COL23A1: variants seen among roughly 807,000 people sequenced by gnomAD.
The protein encoded by COL23A1 is collagen alpha-1(XXIII) chain.
In COL23A1, 97 loss-of-function variants were observed where a neutral mutation model predicts 99.3. The observed-to-expected ratio is 0.98, with a 90% CI of 0.83 to 1.16. The LOEUF is 1.16. COL23A1 is among the 50% of genes most tolerant of loss of function. The pLI is 0.00. For missense variants in COL23A1, 762 were observed against 757.4 expected (o/e 1.01, Z -0.07); for synonymous variants, 320 against 308.2 (o/e 1.04, Z -0.40).
At chr5:178,333,355 C>T (rs1211535996) in intron 2 of COL23A1, among the ~76,000 whole-genome samples, 3 of 152,180 alleles carry the variant, frequency 2.0e-5, no homozygotes, top group African/African-American at 7.2e-5. Context: ...GTGGCCATGG[C>T]CTGCAGGGTT....
chr5:178,565,390 A>C (rs1762792345), intron 1 of COL23A1, among the ~76,000 whole-genome samples: 2 of 152,196 alleles, frequency 1.3e-5, no homozygotes, highest in African/African-American at 4.8e-5. Context: ...CACCAGAGGA[A>C]GGGCTTGTCG....
intron 2 of COL23A1, among the ~76,000 whole-genome samples, chr5:178,508,454 A>G (rs887681013): frequency 1.3e-5 from 2 of 152,194 alleles, no homozygotes; most frequent in Non-Finnish European, 2.9e-5. Context: ...GTATTATAAA[A>G]TATTCAGAGT....
intron 7 of COL23A1, among the ~76,000 whole-genome samples, chr5:178,267,617 G>A (rs1755980281): frequency 6.6e-6 from 1 of 152,176 alleles, no homozygotes; most frequent in Admixed American, 6.5e-5. Flanking sequence ...CAGACATTGT[G>A]GAGCAGAGAC....
intron 2 of COL23A1, among the ~76,000 whole-genome samples, chr5:178,539,023 G>A (rs1458084187): frequency 1.3e-5 from 2 of 152,234 alleles, no homozygotes; most frequent in Admixed American, 6.5e-5. Flanking sequence ...TCCGGAAAAG[G>A]CAAGGCTTTA....
intron 2 of COL23A1, among the ~76,000 whole-genome samples, chr5:178,327,460 T>C (rs561393319): frequency 1.3e-4 from 20 of 152,204 alleles, no homozygotes; most frequent in Admixed American, 8.5e-4. Context: ...CTGGGGTAGA[T>C]CAGACTTCAT....
At chr5:178,478,905 G>A (rs1490477873) in intron 2 of COL23A1, among the ~76,000 whole-genome samples, 1 of 152,164 alleles carries the variant, frequency 6.6e-6, no homozygotes, top group African/African-American at 2.4e-5. Flanking sequence ...CACAGACTCT[G>A]CCAGAATTTC....
chr5:178,242,518 C>T (rs1243126336), intron 25 of COL23A1, 124 bp from the exon 26 acceptor site: 25 of 934,964 alleles, frequency 2.7e-5, no homozygotes, highest in Non-Finnish European at 3.9e-5. Flanking sequence ...TCGTGGCACA[C>T]GCTGGCCTAG....
At chr5:178,328,174 C>T (rs930055) in intron 2 of COL23A1, among the ~76,000 whole-genome samples, 4,492 of 152,128 alleles carry the variant, frequency 0.03, 97 homozygotes, top group Middle Eastern at 0.078. Flanking sequence ...TCCTCTGCCA[C>T]GGCGAATGTC....
intron 2 of COL23A1, among the ~76,000 whole-genome samples, chr5:178,417,475 G>A (rs550388605): frequency 6.6e-6 from 1 of 152,232 alleles, no homozygotes; most frequent in African/African-American, 2.4e-5. Context: ...CCCAAAGGGG[G>A]AAATCACGCC....
chr5:178,467,258 A>G (rs1756471393), intron 2 of COL23A1, among the ~76,000 whole-genome samples: 1 of 152,154 alleles, frequency 6.6e-6, no homozygotes, highest in Non-Finnish European at 1.5e-5. Flanking sequence ...GCCTTTGGGA[A>G]GGTCTGGGAC....
Position 178,313,533 on chromosome 5 carries a change from C to A in COL23A1, c.362-6614G>T, listed in dbSNP as rs557774706. Among the ~76,000 whole-genome samples the A allele has an allele frequency of 1.3e-5, 2 of 152,258 alleles. No homozygotes were observed. Among genetic ancestry groups the A allele is most frequent in the African/African-American group, 4.8e-5 (2 of 41,560 alleles). Reference sequence around the variant, plus strand: ...TGTGGAGTCACAGAGGATGGCATCCCCAAGGTCACACAGTGGAGAAATGGC... The same window carrying A: ...TGTGGAGTCACAGAGGATGGCATCCACAAGGTCACACAGTGGAGAAATGGC... On this transcript the variant is annotated intron_variant, in intron 2 of 28. Transcript: ENST00000390654. This position sits in a 1 kb window ranked among gnomAD's most constrained non-coding sequence, Gnocchi z 4.2.
chr5:178,279,176 C>T (rs1055134876), intron 5 of COL23A1, among the ~76,000 whole-genome samples: 6 of 152,232 alleles, frequency 3.9e-5, no homozygotes, highest in Admixed American at 2.0e-4. Context: ...CAAAGCTGTA[C>T]CCCTGGCCTG....
intron 2 of COL23A1, among the ~76,000 whole-genome samples, chr5:178,450,515 A>G (rs1767427844): frequency 6.6e-6 from 1 of 152,210 alleles, no homozygotes; most frequent in East Asian, 1.9e-4. Context: ...ACAGAACAGT[A>G]GTAAGCTGGG....
At chr5:178,581,623 C>T (rs1763666404) in intron 1 of COL23A1, among the ~76,000 whole-genome samples, 1 of 151,868 alleles carries the variant, frequency 6.6e-6, no homozygotes, top group Admixed American at 6.6e-5. Flanking sequence ...CCTTCTGTAT[C>T]CAGTTACTCC....
rs948237076 is a variant in COL23A1, at chr5:178,337,103, G to A, written c.362-30184C>T. Among the ~76,000 whole-genome samples the A allele has an allele frequency of 1.3e-5, 2 of 152,360 alleles. 1 individual carries two copies. Among genetic ancestry groups the A allele is most frequent in the South Asian group, 4.1e-4 (2 of 4,828 alleles). On this transcript the variant is annotated intron_variant, in intron 2 of 28. Coordinates refer to ENST00000390654, the MANE Select transcript of COL23A1 (RefSeq NM_173465.4). ...TTCCCATGGGAGGGGGGCCTGCGGAGGACATCAGGGAATGTGCAGCATGGA... is the reference window on the plus strand; with the variant it reads ...TTCCCATGGGAGGGGGGCCTGCGGAAGACATCAGGGAATGTGCAGCATGGA...
In COL23A1 at chr5:178,590,066, G is replaced by C. The variant is rs1389759871; in HGVS notation, c.132C>G (p.Ser44=). The C allele has an allele frequency of 1.5e-6, 2 of 1,340,730 alleles. No homozygotes were observed. The highest frequency in any genetic ancestry group is 2.8e-4 in the Middle Eastern group (1 of 3,592). The allele number at this position is 1,340,730 out of a possible 1,614,324, so 83.1% of individuals were successfully genotyped here. A position where few individuals can be genotyped will look rare whatever the true frequency, so the allele number is the denominator to read the frequency against. ...GCAGGCAGGCAGCCGCCGAGCCCAC[G>C]GAGAGCAGCAGGCACAGCGCGCTCA... is the stretch of plus-strand genomic sequence containing the variant. ...RAVSALCLLL[S]VGSAAACLLL... is the part of the protein sequence containing the mutation. Residue 44 remains serine, a synonymous_variant, in exon 1 of 29, where the codon TCC becomes TCG. Coordinates refer to ENST00000390654, the MANE Select transcript of COL23A1 (RefSeq NM_173465.4). This position sits in a 1 kb window ranked among gnomAD's most constrained non-coding sequence, Gnocchi z 5.7.
At chr5:178,519,080 C>T (rs943790780) in intron 2 of COL23A1, among the ~76,000 whole-genome samples, 6 of 151,866 alleles carry the variant, frequency 4.0e-5, no homozygotes, top group African/African-American at 1.4e-4. Flanking sequence ...CATGGCCGGA[C>T]GGGCTCCCTA....
intron 7 of COL23A1, among the ~76,000 whole-genome samples, chr5:178,268,371 C>A (rs760568960): frequency 6.6e-6 from 1 of 152,146 alleles, no homozygotes; most frequent in Non-Finnish European, 1.5e-5. Flanking sequence ...GGGTGTCCTC[C>A]CCACAGAGAA....
chr5:178,461,686 A>T (rs1282383827), intron 2 of COL23A1, among the ~76,000 whole-genome samples: 1 of 152,160 alleles, frequency 6.6e-6, no homozygotes, highest in Non-Finnish European at 1.5e-5. Context: ...CTCACCTGTA[A>T]TACAAGGTAG....
Sources: gnomAD v4.1 joint callset for allele counts (sites outside exome capture counted in the v4.1 genomes callset) on GRCh38, gnomAD v4.1.1 for gene constraint, Gnocchi (gnomAD v3.1) non-coding constraint, MANE v1.5 for transcripts, NCBI Gene and HGNC (gene_info 2026-07-23, HGNC 2026-07-21) for gene names.